The following SRPX variants were observed in gnomAD, a reference collection of about 807,000 sequenced individuals.
The protein encoded by SRPX is sushi repeat-containing protein SRPX.
In SRPX, 24 loss-of-function variants were observed where a neutral mutation model predicts 38.1. The ratio of observed to expected loss-of-function variants is 0.63; its 90% confidence interval spans 0.46 to 0.89. The LOEUF is 0.89. Ranked by LOEUF, SRPX falls within the 40% of genes least tolerant of loss-of-function variation. The pLI is 0.00. For synonymous variants in SRPX, 184 were observed against 153.8 expected, an observed-to-expected ratio of 1.20 and a Z score of -1.45; for missense variants, 416 against 377.8, an observed-to-expected ratio of 1.10 and a Z score of -0.84.
chrX:38,174,644 C>T (rs1041861278), intron 2 of SRPX, among the ~76,000 whole-genome samples: 3 of 111,602 alleles, frequency 2.7e-5, no homozygotes, highest in East Asian at 2.8e-4. Flanking sequence ...GTTACAAGGA[C>T]GAAATAAAAA....
chrX:38,163,177 C>A (rs1171797861), intron 5 of SRPX, among the ~76,000 whole-genome samples: 2 of 112,383 alleles, frequency 1.8e-5, no homozygotes, highest in African/African-American at 6.5e-5. Flanking sequence ...CAAACTTTAT[C>A]TTTGAGAAGT....
At chrX:38,159,486 G>A (rs1381459372) in intron 7 of SRPX, among the ~76,000 whole-genome samples, 1 of 113,208 alleles carries the variant, frequency 8.8e-6, no homozygotes, top group East Asian at 2.8e-4. Context: ...GCTGGCATAA[G>A]GCTTTGCCTG....
intron 6 of SRPX, 147 bp downstream of exon 6, chrX:38,160,786 C>T: frequency 1.5e-6 from 1 of 665,260 alleles, no homozygotes; most frequent in South Asian, 4.1e-5. Flanking sequence ...TAAGATAGGG[C>T]ACTTCCCCAA....
Position 38,149,849 on chromosome X carries a change from C to A in SRPX, c.1257G>T (p.Val419=), listed in dbSNP as rs141892408. The change falls in exon 10 of 10, where the codon GTG becomes GTT. Residue 419 remains valine (V), a synonymous_variant. Coordinates refer to ENST00000378533, the MANE Select transcript of SRPX (RefSeq NM_006307.5). Reference sequence around the variant, plus strand: ...GCTCTTTGTCCATGCCATGCTTATCCACTAGCACCATACTGAAGGAGTAGA... The same window carrying A: ...GCTCTTTGTCCATGCCATGCTTATCAACTAGCACCATACTGAAGGAGTAGA... ...IPLYSFSMVL[V]DKHGMDKERY... 3.4e-5 allele frequency: 41 copies of A among 1,208,755 alleles called. No homozygotes were observed. The African/African-American group carries it at 6.5e-4, about 19-fold the overall frequency.
At chrX:38,214,675 T>G (rs1185299631) in intron 1 of SRPX, among the ~76,000 whole-genome samples, 1 of 111,620 alleles carries the variant, frequency 9.0e-6, no homozygotes, top group Non-Finnish European at 1.9e-5. Context: ...TAACACTGAG[T>G]CAGTACCAAC....
chrX:38,200,593 G>C (rs772991985), intron 1 of SRPX, among the ~76,000 whole-genome samples: 14 of 111,658 alleles, frequency 1.3e-4, no homozygotes, highest in Non-Finnish European at 1.9e-4. Flanking sequence ...GCCTTAATGC[G>C]GCATCATCTC....
intron 6 of SRPX, among the ~76,000 whole-genome samples, chrX:38,160,549 A>C (rs1938225088): frequency 1.8e-5 from 2 of 112,024 alleles, no homozygotes; most frequent in Non-Finnish European, 1.9e-5. Context: ...TAGAACACTA[A>C]AAACATGTTC....
Position 38,213,750 on chromosome X carries a change from A to C in SRPX, c.97+6946T>G, listed in dbSNP as rs188307273. Among the ~76,000 whole-genome samples the C allele has an allele frequency of 9.8e-4, 110 of 112,252 alleles. 7 individuals are homozygous for C. Among genetic ancestry groups the C allele is most frequent in the East Asian group, 6.4e-3 (23 of 3,588 alleles). On this transcript the variant is annotated intron_variant, in intron 1 of 9. Transcript: ENST00000378533. ...TAGCTTCTACCTCTGAGGAGGCCTC[A>C]GGAAACTTGCAATCAAGGCAGAAGG...
At chrX:38,195,214 G>T (rs1055847651) in intron 1 of SRPX, among the ~76,000 whole-genome samples, 33 of 110,742 alleles carry the variant, frequency 3.0e-4, no homozygotes, top group African/African-American at 1.1e-3. Flanking sequence ...ATTCTATAAA[G>T]AAAATAATAG....
At chrX:38,170,933 G>A (rs763297763) in intron 4 of SRPX, among the ~76,000 whole-genome samples, 2 of 111,707 alleles carry the variant, frequency 1.8e-5, no homozygotes, top group Non-Finnish European at 3.8e-5. Flanking sequence ...ATCACAGGGA[G>A]GATATTGAAA....
intron 1 of SRPX, among the ~76,000 whole-genome samples, chrX:38,215,034 A>G (rs1939403440): frequency 8.9e-6 from 1 of 112,127 alleles, no homozygotes; most frequent in African/African-American, 3.2e-5. Context: ...AGTACATGTG[A>G]CTACACTACA....
At chrX:38,220,660 G>A (rs1601878734) in intron 1 of SRPX, 36 bp downstream of exon 1, 2 of 1,186,523 alleles carry the variant, frequency 1.7e-6, no homozygotes, top group Non-Finnish European at 2.3e-6. Context: ...GGTCTTTGGT[G>A]CCCAGCTGAG....
chrX:38,178,425 G>T, intron 1 of SRPX, 81 bp from the exon 2 acceptor site: 1 of 833,560 alleles, frequency 1.2e-6, no homozygotes, highest in South Asian at 2.5e-5. Flanking sequence ...CTTTGCCACA[G>T]ACCATGCAGG....
chrX:38,220,829 G>C lies in SRPX; in HGVS notation c.-37C>G, dbSNP rs1939511367. 19 of 1,064,060 alleles carry C rather than the reference G, an allele frequency of 1.8e-5. No homozygotes were observed. Among genetic ancestry groups the C allele is most frequent in the Non-Finnish European group, 2.3e-5 (19 of 832,871 alleles). 87.7% of individuals were successfully genotyped at this position (1,064,060 alleles called of 1,213,427 possible). A position where few individuals can be genotyped will look rare whatever the true frequency, so the allele number is the denominator to read the frequency against. On this transcript the variant is annotated 5_prime_UTR_variant, in exon 1 of 10. Coordinates refer to ENST00000378533, the MANE Select transcript of SRPX (RefSeq NM_006307.5). ...GCTTAGCTCGCCTCGGCAGCGCAGC[G>C]CGCTTCCCGGGGGCGGCAGGAGACC... is the stretch of plus-strand genomic sequence containing the variant.
chrX:38,213,854 A>G (rs1046287848), intron 1 of SRPX, among the ~76,000 whole-genome samples: 1 of 111,634 alleles, frequency 9.0e-6, no homozygotes, highest in African/African-American at 3.3e-5. Context: ...CTTTGAAAAC[A>G]ACCAGGTATT....
At chrX:38,181,567 G>A (rs1601859823) in intron 1 of SRPX, among the ~76,000 whole-genome samples, 1 of 111,345 alleles carries the variant, frequency 9.0e-6, no homozygotes, top group Non-Finnish European at 1.9e-5. Flanking sequence ...TGATAATCAC[G>A]GCAGCAACAG....
intron 1 of SRPX, among the ~76,000 whole-genome samples, chrX:38,181,329 C>T (rs956839802): frequency 1.3e-4 from 15 of 112,220 alleles, no homozygotes; most frequent in African/African-American, 3.9e-4. Context: ...ATGGGTAAGG[C>T]GGAAGAAAGC....
chrX:38,156,696 T>C (rs968297056), intron 8 of SRPX, among the ~76,000 whole-genome samples, 200 bp downstream of exon 8: 11 of 112,280 alleles, frequency 9.8e-5, no homozygotes, highest in Non-Finnish European at 1.9e-4. Flanking sequence ...TGGAAAACGA[T>C]TGGGTTAACT....
chrX:38,178,742 C>G (rs1230599670), intron 1 of SRPX, among the ~76,000 whole-genome samples: 1 of 111,073 alleles, frequency 9.0e-6, no homozygotes, highest in African/African-American at 3.3e-5. Flanking sequence ...CCCAGTAGAA[C>G]TGGGTGTTTA....
Sources: allele counts gnomAD v4.1 joint callset (sites outside exome capture counted in the v4.1 genomes callset), GRCh38; gene constraint gnomAD v4.1.1; transcripts MANE v1.5; gene names NCBI Gene and HGNC (gene_info 2026-07-23, HGNC 2026-07-21).